The following PHRF1 variants were observed in gnomAD, a reference collection of about 807,000 sequenced individuals.
The protein encoded by PHRF1 is PHD and ring finger domains 1.
Under a neutral mutation model 128.9 loss-of-function variants are expected in PHRF1, and 53 were observed. The observed-to-expected ratio is 0.41, with a 90% CI of 0.33 to 0.52. PHRF1 has a LOEUF of 0.52. Among genes scored for constraint, PHRF1 ranks in the 20% least tolerant of loss-of-function variants. PHRF1 has a pLI of 0.21. For missense variants in PHRF1, 2,503 were observed against 2,284.5 expected (o/e 1.10, Z -1.95); for synonymous variants, 1,178 against 980.6 (o/e 1.20, Z -3.76).
In PHRF1 at chr11:611,098, G is replaced by T. The variant is rs200726235; in HGVS notation, c.4806+16G>T. ...CGTGCAGAAGGTGGGCTGTGTGCGA[G>T]CCTGTGTGTGGGGCTCGGGGTCACG... On this transcript the variant is annotated intron_variant, in intron 17 of 17. Transcript: ENST00000264555. The T allele has an allele frequency of 2.6e-4, 413 of 1,612,326 alleles. No individual in the cohort carries two copies. Among genetic ancestry groups the T allele is most frequent in the Non-Finnish European group, 2.6e-4 (307 of 1,179,470 alleles).
At chr11:578,462 G>A (rs889970044) in intron 1 of PHRF1, among the ~76,000 whole-genome samples, 3 of 152,178 alleles carry the variant, frequency 2.0e-5, no homozygotes, top group African/African-American at 7.2e-5. Flanking sequence ...TCATTCCTGA[G>A]CTGGTATTTC....
At chr11:600,552 C>T (rs943560633) in intron 9 of PHRF1, among the ~76,000 whole-genome samples, 14 of 148,460 alleles carry the variant, frequency 9.4e-5, no homozygotes, top group Non-Finnish European at 1.3e-4. Flanking sequence ...TCTTTGACGC[C>T]GGGCACAGTG....
chr11:607,637 A>C lies in PHRF1; in HGVS notation c.2181A>C (p.Thr727=). ...GCACCGGGCAGCCAGGGCGAGGCACACGGGCAGAGAGCGAGGCCAGCAGCA... is the reference window on the plus strand; with the variant it reads ...GCACCGGGCAGCCAGGGCGAGGCACCCGGGCAGAGAGCGAGGCCAGCAGCA... ...REGTGQPGRG[T]RAESEASSRV... Residue 727 remains threonine (T), a synonymous_variant, in exon 14 of 18, where the codon ACA becomes ACC. Coordinates refer to ENST00000264555, the MANE Select transcript of PHRF1 (RefSeq NM_001286581.2). The C allele has an allele frequency of 6.2e-7, 1 of 1,611,870 alleles. No homozygotes were observed.
intron 16 of PHRF1, 43 bp downstream of exon 16, chr11:610,804 C>G (rs1480058048): frequency 4.4e-6 from 7 of 1,590,300 alleles, no homozygotes; most frequent in Non-Finnish European, 6.0e-6. Flanking sequence ...TCCCATCTTA[C>G]TTTGAAACTA....
chr11:591,824 A>G (rs12806376), intron 5 of PHRF1, among the ~76,000 whole-genome samples: 3 of 151,524 alleles, frequency 2.0e-5, no homozygotes. Context: ...ACAGCTTACT[A>G]CAGCCTCAAT....
At position 608,113 on chromosome 11, in the gene PHRF1, G is replaced by T. The variant is rs1229709832; in HGVS notation, c.2657G>T (p.Ser886Ile). ...TGCGTCACCTCCTACACGGTGGAGA[G>T]CATCTTTGGTACAGAGCCCGAACCC... ...VRCVTSYTVESIFGTEPEPPL... is the reference protein window; with the variant it reads ...VRCVTSYTVEIIFGTEPEPPL... The change falls in exon 14 of 18, where the codon AGC becomes ATC. Residue 886 changes from serine (S) to isoleucine (I), a missense_variant. Transcript: ENST00000264555. 6.2e-7 allele frequency: 1 copy of T among 1,611,762 alleles called. No homozygotes were observed. The highest frequency in any genetic ancestry group is 8.5e-7 in the Non-Finnish European group (1 of 1,179,876).
Position 607,988 on chromosome 11 carries a change from C to T in PHRF1, c.2532C>T (p.Gly844=). ...CCGGCTCCGACTCCAGCGCCCCTGG[C>T]AGCAGCCCCGAGAGGTCTGGCCCCG... The part of the protein sequence containing the change: ...DPTGSDSSAP[G]SSPERSGPGL... The change falls in exon 14 of 18, where the codon GGC becomes GGT. Residue 844 remains glycine (G), a synonymous_variant. Coordinates refer to ENST00000264555, the MANE Select transcript of PHRF1 (RefSeq NM_001286581.2). 1 of 1,611,392 alleles carries T rather than the reference C, an allele frequency of 6.2e-7. No homozygotes were observed. Among genetic ancestry groups the T allele is most frequent in the Non-Finnish European group, 8.5e-7 (1 of 1,179,830 alleles).
At position 605,736 on chromosome 11, in the gene PHRF1, C is replaced by T. The variant is rs1422061272; in HGVS notation, c.1454+12C>T. On this transcript the variant is annotated intron_variant, in intron 12 of 17. Coordinates refer to ENST00000264555, the MANE Select transcript of PHRF1 (RefSeq NM_001286581.2). ...GTGGGGCTTTCCAGGTGTGTGAGGG[C>T]AGAGGCTTCTGGGGAGGTGGGGGCA... The T allele has an allele frequency of 6.2e-7, 1 of 1,603,436 alleles. No individual in the cohort carries two copies. Among genetic ancestry groups the T allele is most frequent in the African/African-American group, 1.3e-5 (1 of 74,720 alleles).
intron 3 of PHRF1, among the ~76,000 whole-genome samples, chr11:582,315 A>C (rs1589857801): frequency 1.4e-5 from 2 of 139,096 alleles, no homozygotes; most frequent in Admixed American, 1.5e-4. Flanking sequence ...CCCAGGCTGG[A>C]GTACAGTGGT....
At chr11:600,922 C>T (rs1045039807) in intron 9 of PHRF1, among the ~76,000 whole-genome samples, 8 of 151,996 alleles carry the variant, frequency 5.3e-5, no homozygotes, top group Admixed American at 1.3e-4. Context: ...GCTGAGATCA[C>T]GCCACTGCAT....
intron 4 of PHRF1, 62 bp downstream of exon 4, chr11:587,526 C>T (rs1441203580): frequency 1.6e-5 from 25 of 1,537,288 alleles, no homozygotes; most frequent in Non-Finnish European, 2.2e-5. Context: ...TTATAGGTGA[C>T]CCAGCCTGTG....
At chr11:585,276 T>C (rs1854470139) in intron 3 of PHRF1, among the ~76,000 whole-genome samples, 1 of 137,314 alleles carries the variant, frequency 7.3e-6, no homozygotes, top group Non-Finnish European at 1.6e-5. Context: ...CTTGAGGTAG[T>C]AGCCCTTTCC....
Position 609,670 on chromosome 11 carries a change from G to A in PHRF1, c.4214G>A (p.Trp1405Ter). 1 of 1,551,100 alleles carries A rather than the reference G, an allele frequency of 6.4e-7. No homozygotes were observed. ...RSRALVKRVT[W>*]NLQESESSAP... Reference sequence around the variant, plus strand: ...AGAGCCCTGGTGAAGCGGGTCACCTGGAACCTGCAGGAGTCGGAGAGCAGC... The same window carrying A: ...AGAGCCCTGGTGAAGCGGGTCACCTAGAACCTGCAGGAGTCGGAGAGCAGC... Residue 1405 changes from tryptophan to a stop codon, truncating the protein, a stop_gained, in exon 14 of 18, where the codon TGG (tryptophan) becomes TAG (stop). Coordinates refer to ENST00000264555, the MANE Select transcript of PHRF1 (RefSeq NM_001286581.2). LOFTEE classifies it high-confidence loss of function.
chr11:607,223 C>T lies in PHRF1; in HGVS notation c.1767C>T (p.Ser589=), dbSNP rs771266358. Residue 589 remains serine (S), a synonymous_variant, in exon 14 of 18, where the codon TCC becomes TCT. Transcript: ENST00000264555. ...CAGGGCTCAGCTGTCAAGGCAGGTC[C>T]CGCACCCCCGCCCGCACCGCGGGGG... ...QSTGLSCQGR[S]RTPARTAGAP... is the part of the protein sequence containing the mutation. The T allele has an allele frequency of 3.7e-6, 6 of 1,612,196 alleles. No homozygotes were observed. Among genetic ancestry groups the T allele is most frequent in the Admixed American group, 3.3e-5 (2 of 59,970 alleles).
rs769451436 is a variant in PHRF1, at chr11:609,455, G to A, written c.3999G>A (p.Gln1333=). 4 of 1,605,922 alleles carry A rather than the reference G, an allele frequency of 2.5e-6. No homozygotes were observed. In the South Asian group the frequency reaches 3.3e-5, roughly 13 times the overall value. Residue 1333 remains glutamine, a synonymous_variant, in exon 14 of 18, where the codon CAG becomes CAA. Coordinates refer to ENST00000264555, the MANE Select transcript of PHRF1 (RefSeq NM_001286581.2). ...VSLMHDEDPS[Q]PPPLPEGTQE... ...TGATGCACGATGAAGACCCTTCGCA[G>A]CCCCCACCCCTGCCAGAGGGCACCC...
intron 10 of PHRF1, among the ~76,000 whole-genome samples, chr11:604,260 G>T (rs1038260493): frequency 3.3e-5 from 5 of 152,304 alleles, no homozygotes; most frequent in African/African-American, 1.2e-4. Flanking sequence ...TGTTTCTGTG[G>T]TTCCTTTCTT....
intron 9 of PHRF1, among the ~76,000 whole-genome samples, chr11:599,668 A>G (rs73396347): frequency 0.039 from 5,960 of 152,248 alleles, 400 homozygotes; most frequent in African/African-American, 0.14. Flanking sequence ...ACCACACTTC[A>G]GCCCCACCAG....
chr11:577,976 G>T (rs1853987643), intron 1 of PHRF1, among the ~76,000 whole-genome samples: 1 of 152,278 alleles, frequency 6.6e-6, no homozygotes. Flanking sequence ...CCACCCCAGA[G>T]CTCTGCTAGC....
intron 1 of PHRF1, among the ~76,000 whole-genome samples, chr11:578,570 T>C (rs937421634): frequency 4.6e-5 from 7 of 152,186 alleles, no homozygotes; most frequent in Admixed American, 3.3e-4. Flanking sequence ...CACCTAACCC[T>C]TGGAGGTGGT....
Sources: gnomAD v4.1 joint callset for allele counts (sites outside exome capture counted in the v4.1 genomes callset) on GRCh38, gnomAD v4.1.1 for gene constraint, MANE v1.5 for transcripts, NCBI Gene and HGNC (gene_info 2026-07-23, HGNC 2026-07-21) for gene names.